ACIN1: variants seen among roughly 807,000 people sequenced by gnomAD.
ACIN1 encodes apoptotic chromatin condensation inducer 1.
A neutral mutation model predicts 146.6 loss-of-function variants in ACIN1; 16 were observed. The observed-to-expected ratio is 0.11, with a 90% confidence interval of 0.07 to 0.17. ACIN1 has a LOEUF of 0.17. Among genes scored for constraint, ACIN1 ranks in the 10% least tolerant of loss-of-function variants. ACIN1 has a pLI of 1.00. For synonymous variants in ACIN1, 569 were observed against 582.7 expected, an observed-to-expected ratio of 0.98 and a Z score of 0.34; for missense variants, 1,357 against 1,609.3, an observed-to-expected ratio of 0.84 and a Z score of 2.68.
rs2140049333 is a variant in ACIN1 at position 23,068,185 on chromosome 14, C to A, written c.2265+1291G>T. ...TCCTCTGCACGGTTCCTAGTCGTCA[C>A]AGCTTAAGTAGAGGGTCCCACTCAG... On this transcript the variant is annotated intron_variant, in intron 9 of 18. Transcript: ENST00000605057. The surrounding 1 kb of genome is among the most constrained non-coding windows in gnomAD (Gnocchi z 4.3). 3 of 985,942 alleles carry A rather than the reference C, an allele frequency of 3.0e-6. No homozygotes were observed. The highest frequency in any genetic ancestry group is 3.6e-6 in the Non-Finnish European group (3 of 829,974). The allele number at this position is 985,942 out of a possible 1,614,324, so 61.1% of individuals were successfully genotyped here.
In ACIN1 at chr14:23,065,584, C is replaced by T. The variant is rs115594330; in HGVS notation, c.2308+382G>A. ...CCTAGGGTACTACAGAGGGAGACTC[C>T]GTCTCAAAAAAACAACAACAAAATA... On this transcript the variant is annotated intron_variant, in intron 10 of 18. Transcript: ENST00000605057. Among the ~76,000 whole-genome samples, 1,399 of 152,224 alleles carry T rather than the reference C, an allele frequency of 9.2e-3. 27 individuals are homozygous for T. The highest frequency in any genetic ancestry group is 0.032 in the African/African-American group (1,343 of 41,510).
chr14:23,064,125 T>C lies in ACIN1; in HGVS notation c.2575A>G (p.Ile859Val), dbSNP rs1432480559. The C allele has an allele frequency of 1.2e-6, 2 of 1,614,038 alleles. No homozygotes were observed. Among genetic ancestry groups the C allele is most frequent in the African/African-American group, 1.3e-5 (1 of 74,922 alleles). Residue 859 changes from isoleucine to valine, a missense_variant, in exon 12 of 19, where the codon ATA becomes GTA. Physicochemically the swap from Ile to Val is conservative, Grantham distance 29. Around this residue, in one of 4 missense-constraint regions of ACIN1, gnomAD observed 509 missense variants for 719.6 expected, o/e 0.71. Transcript: ENST00000605057. ...DDGTHDKGLK[I>V]CRTVTQVVPA... ...CTTACCTGAGTGACTGTCCGGCATA[T>C]TTTCAGCCCCTTGTCATGGGTCCCA...
chr14:23,069,648 G>T (rs1291211217), intron 8 of ACIN1, 31 bp from the exon 9 acceptor site: 19 of 589,366 alleles, frequency 3.2e-5, no homozygotes, highest in Non-Finnish European at 5.1e-5. Context: ...TGGTGGGGGG[G>T]CGGGCAGAAA....
In ACIN1 at chr14:23,081,954, T is replaced by C. The variant is rs1594775595; in HGVS notation, c.437-118A>G. 1.1e-5 allele frequency: 8 copies of C among 721,338 alleles called. No homozygotes were observed. In the East Asian group the frequency reaches 1.9e-4, roughly 17 times the overall value. 44.7% of individuals were successfully genotyped at this position (721,338 alleles called of 1,614,324 possible). A position where few individuals can be genotyped will look rare whatever the true frequency, so the allele number is the denominator to read the frequency against. The stretch of plus-strand genomic sequence containing the variant: ...TAGCATATGAGCCTATCAAGACATA[T>C]CTGTATCGGTTTCTTTGACTTCTAC... On this transcript the variant is annotated intron_variant, in intron 4 of 18. Transcript: ENST00000605057.
At chr14:23,088,538 C>T (rs1317304479) in intron 4 of ACIN1, among the ~76,000 whole-genome samples, 1 of 152,180 alleles carries the variant, frequency 6.6e-6, no homozygotes, top group Non-Finnish European at 1.5e-5. Flanking sequence ...TATCGCTGCT[C>T]AGCCTTTTAA....
At chr14:23,064,598 T>A in intron 10 of ACIN1, 110 bp from the exon 11 acceptor site, 1 of 1,444,828 alleles carries the variant, frequency 6.9e-7, no homozygotes, top group Non-Finnish European at 9.4e-7. Context: ...AAGGTTAACT[T>A]AAAGAAATCA....
chr14:23,068,310 T>C lies in ACIN1; in HGVS notation c.2265+1166A>G, dbSNP rs2047520947. On this transcript the variant is annotated intron_variant, in intron 9 of 18. Transcript: ENST00000605057. The surrounding 1 kb of genome is among the most constrained non-coding windows in gnomAD (Gnocchi z 4.3). ...TAGCAAACAAGGCAACCCACAGTCC[T>C]CAAAAGGGCAAGGGCATGTGGGCAG... is the stretch of plus-strand genomic sequence containing the variant. 4 of 985,924 alleles carry C rather than the reference T, an allele frequency of 4.1e-6. No individual in the cohort carries two copies. Among genetic ancestry groups the C allele is most frequent in the African/African-American group, 1.7e-5 (1 of 57,372 alleles). 61.1% of individuals were successfully genotyped at this position (985,924 alleles called of 1,614,324 possible).
chr14:23,089,051 T>C (rs1175079489), intron 4 of ACIN1, among the ~76,000 whole-genome samples: 2 of 152,202 alleles, frequency 1.3e-5, no homozygotes, highest in African/African-American at 4.8e-5. Flanking sequence ...TGATTTTATG[T>C]ATTTTTTGAG....
chr14:23,059,387 G>T lies in ACIN1; in HGVS notation c.3613C>A (p.Arg1205=), dbSNP rs761014319. The change falls in exon 19 of 19, where the codon CGG becomes AGG. Residue 1205 remains arginine, a synonymous_variant. Transcript: ENST00000605057. ...CGTTCCCGCTCGGCTTCCTTCTCCC[G>T]CTCCTTTTGCTCTTCTTCTTCTTGC... ...KEQEEEEQKE[R]EKEAERERNR... The T allele has an allele frequency of 6.2e-7, 1 of 1,613,248 alleles. No individual in the cohort carries two copies. The highest frequency in any genetic ancestry group is 8.5e-7 in the Non-Finnish European group (1 of 1,179,722).
rs1359214268 is a variant in ACIN1 at position 23,094,635 on chromosome 14, G to GT, written c.138+339dup. 10 of 850,710 alleles carry GT rather than the reference G, an allele frequency of 1.2e-5. No individual in the cohort carries two copies. The East Asian group carries it at 1.5e-4, about 12-fold the overall frequency. The allele number at this position is 850,710 out of a possible 1,614,324, so 52.7% of individuals were successfully genotyped here. A position where few individuals can be genotyped will look rare whatever the true frequency, so the allele number is the denominator to read the frequency against. On this transcript the variant is annotated intron_variant, in intron 1 of 18. Coordinates refer to ENST00000605057, the MANE Select transcript of ACIN1 (RefSeq NM_001386863.1). Reference sequence around the variant, plus strand: ...TCGCCCCCCTCAGGCCAGCAACGCCGTAGGTTGTAGTGGGATTTAACTCCT... The same window carrying GT: ...TCGCCCCCCTCAGGCCAGCAACGCCGTTAGGTTGTAGTGGGATTTAACTCCT...
In ACIN1 at chr14:23,093,537, A is replaced by C; in HGVS notation, c.146T>G (p.Met49Arg). Residue 49 changes from methionine (M) to arginine (R), a missense_variant, in exon 2 of 19, where the codon ATG (methionine) becomes AGG (arginine). Physicochemically the swap from Met to Arg is moderately conservative, Grantham distance 91. Coordinates refer to ENST00000605057, the MANE Select transcript of ACIN1 (RefSeq NM_001386863.1). Reference protein sequence around the residue: ...ALVKRLKGALMLENLQKHSTP... With the variant: ...ALVKRLKGALRLENLQKHSTP... ...TGAGTGTTTCTGTAAATTTTCTAGC[A>C]TTAGAGCCTGGTATAGAGAAGGGTA... is the stretch of plus-strand genomic sequence containing the variant. The C allele has an allele frequency of 6.2e-7, 1 of 1,614,034 alleles. No individual in the cohort carries two copies. Among genetic ancestry groups the C allele is most frequent in the Non-Finnish European group, 8.5e-7 (1 of 1,179,912 alleles).
In ACIN1 at chr14:23,074,894, C is replaced by A. The variant is rs879319301; in HGVS notation, c.2123+3257G>T. ...AATTTTAGTTATTATAGAAAATTCA[C>A]GAGGAGCTGAAAAACTGACGTGAAA... On this transcript the variant is annotated intron_variant, in intron 8 of 18. Coordinates refer to ENST00000605057, the MANE Select transcript of ACIN1 (RefSeq NM_001386863.1). 3.3e-5 allele frequency among the ~76,000 whole-genome samples: 5 copies of A among 152,004 alleles called. No homozygotes were observed. In the South Asian group the frequency reaches 1.0e-3, roughly 31 times the overall value.
At chr14:23,069,652 G>GGGGGGGGGGGC in intron 8 of ACIN1, 35 bp from the exon 9 acceptor site, 7 of 577,928 alleles carry the variant, frequency 1.2e-5, no homozygotes, top group Non-Finnish European at 1.7e-5. Context: ...GGGGGGGCGG[G>GGGGGGGGGGGC]CAGAAAAGAA....
rs2140050725 is a variant in ACIN1 at position 23,068,357 on chromosome 14, C to T, written c.2265+1119G>A. On this transcript the variant is annotated intron_variant, in intron 9 of 18. Transcript: ENST00000605057. This position sits in a 1 kb window ranked among gnomAD's most constrained non-coding sequence, Gnocchi z 4.3. ...GCAGGCGCCCCAGCACTGGCACAAG[C>T]TCTTCTTGGGGTGTCCCAAGTAGGG... The T allele has an allele frequency of 2.0e-6, 2 of 985,994 alleles. No individual in the cohort carries two copies. Among genetic ancestry groups the T allele is most frequent in the Non-Finnish European group, 2.4e-6 (2 of 830,010 alleles). 61.1% of individuals were successfully genotyped at this position (985,994 alleles called of 1,614,324 possible). A position where few individuals can be genotyped will look rare whatever the true frequency, so the allele number is the denominator to read the frequency against.
In ACIN1 at chr14:23,080,660, A is replaced by T. The variant is rs777399847; in HGVS notation, c.675T>A (p.Asp225Glu). 5 of 1,611,752 alleles carry T rather than the reference A, an allele frequency of 3.1e-6. No individual in the cohort carries two copies. The highest frequency in any genetic ancestry group is 2.2e-5 in the East Asian group (1 of 44,670). Residue 225 changes from aspartate to glutamate, a missense_variant, in exon 6 of 19, where the codon GAT becomes GAA. Physicochemically the swap from Asp to Glu is conservative, Grantham distance 45 (BLOSUM62 2). This residue lies in a region of ACIN1 where 771 missense variants were observed against 746.6 expected (regional missense o/e 1.03). Coordinates refer to ENST00000605057, the MANE Select transcript of ACIN1 (RefSeq NM_001386863.1). ...EEEEEEEEED[D>E]EEEEGDDEGQ... ...CCTCATCATCACCTTCCTCTTCTTCATCATCTTCTTCCTCCTCCTCCTCCT... is the reference window on the plus strand; with the variant it reads ...CCTCATCATCACCTTCCTCTTCTTCTTCATCTTCTTCCTCCTCCTCCTCCT...
At chr14:23,092,547 G>A (rs8021220) in intron 2 of ACIN1, among the ~76,000 whole-genome samples, 2 of 152,218 alleles carry the variant, frequency 1.3e-5, no homozygotes, top group Non-Finnish European at 2.9e-5. Context: ...AACAAAGGAG[G>A]AGGAGGGCTC....
Position 23,061,186 on chromosome 14 carries a change from T to C in ACIN1, c.3425-2A>G. The C allele has an allele frequency of 6.2e-7, 1 of 1,614,180 alleles. No individual in the cohort carries two copies. Among genetic ancestry groups the C allele is most frequent in the Non-Finnish European group, 8.5e-7 (1 of 1,180,020 alleles). On this transcript the variant is annotated splice_acceptor_variant, in intron 17 of 18. Coordinates refer to ENST00000605057, the MANE Select transcript of ACIN1 (RefSeq NM_001386863.1). LOFTEE classifies it high-confidence loss of function. ...CAGGTGGTTCCTCCTGGGCTTTCTC[T>C]GAGGTGGAAAAAAGTGAACCAGATA... is the stretch of plus-strand genomic sequence containing the variant.
intron 8 of ACIN1, among the ~76,000 whole-genome samples, chr14:23,073,890 G>A (rs535593664): frequency 3.4e-5 from 5 of 148,328 alleles, no homozygotes; most frequent in Admixed American, 6.7e-5. Context: ...CCAGGCTGGA[G>A]TGCAGTGGCA....
chr14:23,079,918 G>A lies in ACIN1; in HGVS notation c.1417C>T (p.Leu473=), dbSNP rs1413495009. The stretch of plus-strand genomic sequence containing the variant: ...GCCAGTGCTAATTCCTCAATTTTTA[G>A]AGGGAGGGGCTGAGCAGATCTGTCT... ...ESDRSAQPLP[L]KIEELALAKG... is the part of the protein sequence containing the mutation. Residue 473 remains leucine (L), a synonymous_variant, in exon 6 of 19, where the codon CTA becomes TTA. Coordinates refer to ENST00000605057, the MANE Select transcript of ACIN1 (RefSeq NM_001386863.1). The A allele has an allele frequency of 4.3e-6, 7 of 1,614,082 alleles. No homozygotes were observed. Among genetic ancestry groups the A allele is most frequent in the Non-Finnish European group, 5.9e-6 (7 of 1,180,052 alleles).
Sources: allele counts gnomAD v4.1 joint callset (sites outside exome capture counted in the v4.1 genomes callset), GRCh38; gene constraint gnomAD v4.1.1; regional missense constraint gnomAD v4.1.1; non-coding constraint Gnocchi (gnomAD v3.1); transcripts MANE v1.5; gene names NCBI Gene and HGNC (gene_info 2026-07-23, HGNC 2026-07-21).